The following PRKCB variants were observed in gnomAD, a reference collection of about 807,000 sequenced individuals.
The protein encoded by PRKCB is protein kinase C beta.
A neutral mutation model predicts 81.5 loss-of-function variants in PRKCB; 13 were observed. The ratio of observed to expected loss-of-function variants is 0.16; its 90% CI spans 0.10 to 0.25. The LOEUF is 0.25. PRKCB is among the 10% of genes least tolerant of loss of function. PRKCB has a pLI of 1.00. For missense variants in PRKCB, 509 were observed against 875.7 expected, an observed-to-expected ratio of 0.58 and a Z score of 5.29; for synonymous variants, 335 against 321.4, an observed-to-expected ratio of 1.04 and a Z score of -0.45.
intron 5 of PRKCB, among the ~76,000 whole-genome samples, chr16:24,064,617 T>C (rs1054385616): frequency 1.3e-5 from 2 of 152,182 alleles, no homozygotes; most frequent in African/African-American, 4.8e-5. Flanking sequence ...TCATATTTTC[T>C]ATATCTTGTT....
At chr16:24,056,563 A>G (rs1965904640) in intron 5 of PRKCB, among the ~76,000 whole-genome samples, 1 of 152,088 alleles carries the variant, frequency 6.6e-6, no homozygotes, top group Admixed American at 6.5e-5. Flanking sequence ...TGCTTGGGCC[A>G]TTTTTGGGTC....
intron 2 of PRKCB, among the ~76,000 whole-genome samples, chr16:23,867,688 CA>C (rs1203389083): frequency 1.3e-5 from 2 of 152,150 alleles, no homozygotes; most frequent in East Asian, 3.8e-4. Flanking sequence ...TGAAGCCTAA[CA>C]AAGTGTTTCC....
At chr16:23,996,862 G>A (rs1043550704) in intron 3 of PRKCB, among the ~76,000 whole-genome samples, 2 of 152,026 alleles carry the variant, frequency 1.3e-5, no homozygotes, top group Admixed American at 6.6e-5. Context: ...TTGCATGCCT[G>A]GGCAAGATTC....
chr16:24,176,094 A>G (rs1254759179), intron 12 of PRKCB, among the ~76,000 whole-genome samples: 1 of 151,770 alleles, frequency 6.6e-6, no homozygotes, highest in African/African-American at 2.4e-5. Flanking sequence ...ACCTTGTCAG[A>G]GGCTTTCAGA....
At chr16:24,127,132 G>A (rs746768040) in intron 9 of PRKCB, among the ~76,000 whole-genome samples, 30 of 149,552 alleles carry the variant, frequency 2.0e-4, no homozygotes, top group Admixed American at 5.4e-4. Context: ...CAGCCTTTTC[G>A]AGTGGCTGGC....
intron 2 of PRKCB, among the ~76,000 whole-genome samples, chr16:23,977,902 G>A (rs111287677): frequency 6.6e-6 from 1 of 152,172 alleles, no homozygotes; most frequent in African/African-American, 2.4e-5. Context: ...TGGTTTCCGA[G>A]TGTGGGAGAG....
intron 2 of PRKCB, among the ~76,000 whole-genome samples, chr16:23,942,067 C>CA (rs1964146450): frequency 6.6e-6 from 1 of 152,236 alleles, no homozygotes; most frequent in Non-Finnish European, 1.5e-5. Flanking sequence ...CAAAACATGT[C>CA]AACCAAAATC....
intron 9 of PRKCB, chr16:24,151,780 C>T (rs1967082864): frequency 2.2e-6 from 1 of 455,820 alleles, no homozygotes; most frequent in Non-Finnish European, 4.4e-6. Context: ...ACAGTCAGAG[C>T]TGCATTTTCA....
At chr16:23,942,769 C>G (rs1207474203) in intron 2 of PRKCB, among the ~76,000 whole-genome samples, 1 of 152,192 alleles carries the variant, frequency 6.6e-6, no homozygotes, top group Admixed American at 6.5e-5. Context: ...TCCCTTGACT[C>G]TTTGAAAACA....
rs1596582356 is a variant in PRKCB, at chr16:24,174,423, T to G, written c.1332-95T>G. 7 of 1,127,800 alleles carry G rather than the reference T, an allele frequency of 6.2e-6. No homozygotes were observed. The South Asian group carries it at 9.8e-5, about 16-fold the overall frequency. 69.9% of individuals were successfully genotyped at this position (1,127,800 alleles called of 1,614,324 possible). A position where few individuals can be genotyped will look rare whatever the true frequency, so the allele number is the denominator to read the frequency against. On this transcript the variant is annotated intron_variant, in intron 11 of 16. Coordinates refer to ENST00000643927, the MANE Select transcript of PRKCB (RefSeq NM_002738.7). The stretch of plus-strand genomic sequence containing the variant: ...ACCATCCATGGGTTCTTTAATGTCC[T>G]ACACCTAGTTCAATATTGTATTGAA...
At chr16:23,994,040 G>A (rs1596502595) in intron 3 of PRKCB, among the ~76,000 whole-genome samples, 1 of 152,276 alleles carries the variant, frequency 6.6e-6, no homozygotes, top group East Asian at 1.9e-4. Context: ...TTGAGAAAGC[G>A]ATTATACTGC....
rs1288345185 is a variant in PRKCB, at chr16:24,108,972, G to A, written c.822-4001G>A. ...CACTTCCCGGATGGGGGGGCTGGCCGGGCGGGGGACTGACCCCCCCACCTC... is the reference window on the plus strand; with the variant it reads ...CACTTCCCGGATGGGGGGGCTGGCCAGGCGGGGGACTGACCCCCCCACCTC... On this transcript the variant is annotated intron_variant, in intron 7 of 16. Coordinates refer to ENST00000643927, the MANE Select transcript of PRKCB (RefSeq NM_002738.7). 5.6e-5 allele frequency among the ~76,000 whole-genome samples: 8 copies of A among 141,648 alleles called. No homozygotes were observed. In the East Asian group the frequency reaches 1.5e-3, roughly 26 times the overall value. The allele number at this position is 141,648 out of a possible 152,430, so 92.9% of individuals were successfully genotyped here.
chr16:24,185,167 G>A lies in PRKCB; in HGVS notation c.1590G>A (p.Leu530=). ...KSVDWWAFGV[L]LYEMLAGQAP... ...TGGATTGGTGGGCATTTGGAGTCCT[G>A]CTGTATGAAATGTTGGCTGGGCAGG... is the stretch of plus-strand genomic sequence containing the variant. The change falls in exon 14 of 17, where the codon CTG becomes CTA. Residue 530 remains leucine, a synonymous_variant. Coordinates refer to ENST00000643927, the MANE Select transcript of PRKCB (RefSeq NM_002738.7). 2 of 1,614,098 alleles carry A rather than the reference G, an allele frequency of 1.2e-6. No homozygotes were observed. The highest frequency in any genetic ancestry group is 8.5e-7 in the Non-Finnish European group (1 of 1,179,970).
At chr16:24,028,456 A>G (rs1965511391) in intron 3 of PRKCB, among the ~76,000 whole-genome samples, 1 of 152,250 alleles carries the variant, frequency 6.6e-6, no homozygotes, top group Non-Finnish European at 1.5e-5. Context: ...TCCAATATCC[A>G]AAACAAAAAA....
intron 10 of PRKCB, among the ~76,000 whole-genome samples, chr16:24,159,008 C>A (rs990508521): frequency 6.6e-6 from 1 of 151,982 alleles, no homozygotes; most frequent in African/African-American, 2.4e-5. Context: ...CACCTGACAC[C>A]CCTGGGTTAG....
intron 2 of PRKCB, among the ~76,000 whole-genome samples, chr16:23,904,715 A>C (rs1251431524): frequency 6.6e-6 from 1 of 152,204 alleles, no homozygotes; most frequent in Non-Finnish European, 1.5e-5. Flanking sequence ...AAGAGTATCT[A>C]GCATATAGTA....
intron 16 of PRKCB, among the ~76,000 whole-genome samples, chr16:24,204,524 A>T (rs772218637): frequency 5.3e-5 from 8 of 152,192 alleles, no homozygotes; most frequent in Non-Finnish European, 7.3e-5. Flanking sequence ...AGGCAAATAG[A>T]AGGGATAATT....
intron 2 of PRKCB, among the ~76,000 whole-genome samples, chr16:23,911,078 G>A (rs1963643478): frequency 7.9e-6 from 1 of 126,600 alleles, no homozygotes; most frequent in Non-Finnish European, 1.6e-5. Context: ...GTGAGCATTT[G>A]AGTTGTTTCC....
intron 2 of PRKCB, among the ~76,000 whole-genome samples, chr16:23,838,492 T>A (rs1203863356): frequency 5.9e-5 from 9 of 152,214 alleles, no homozygotes; most frequent in Admixed American, 5.9e-4. Flanking sequence ...CTCTTGGGCT[T>A]GGTAAGATTG....
Sources: allele counts gnomAD v4.1 joint callset (sites outside exome capture counted in the v4.1 genomes callset), GRCh38; gene constraint gnomAD v4.1.1; transcripts MANE v1.5; gene names NCBI Gene and HGNC (gene_info 2026-07-23, HGNC 2026-07-21).